Variants in VPS13B observed in about 807,000 individuals in gnomAD.
The protein encoded by VPS13B is intermembrane lipid transfer protein VPS13B.
In VPS13B, 285 loss-of-function variants were observed where a neutral mutation model predicts 426.4. The ratio of observed to expected loss-of-function variants is 0.67; its 90% CI spans 0.61 to 0.74. The LOEUF is 0.74. VPS13B is among the 30% of genes least tolerant of loss of function. The pLI, the probability that VPS13B is intolerant of heterozygous loss-of-function variation, is 0.00. For synonymous variants in VPS13B, 1,676 were observed against 1,676.4 expected (o/e 1.00, Z 0.01); for missense variants, 4,537 against 4,782.6 (o/e 0.95, Z 1.51).
chr8:99,712,073 G>C (rs2130279064), intron 36 of VPS13B, among the ~76,000 whole-genome samples: 1 of 152,320 alleles, frequency 6.6e-6, no homozygotes, highest in East Asian at 1.9e-4. Flanking sequence ...ATAGAAAACT[G>C]AAGATTACTT....
At chr8:99,703,990 T>C (rs1832396203) in intron 36 of VPS13B, among the ~76,000 whole-genome samples, 1 of 151,920 alleles carries the variant, frequency 6.6e-6, no homozygotes, top group Non-Finnish European at 1.5e-5. Flanking sequence ...CCACAAAAGA[T>C]TGGGGGAAGA....
chr8:99,463,300 A>G (rs1383835301), intron 23 of VPS13B, among the ~76,000 whole-genome samples: 2 of 152,242 alleles, frequency 1.3e-5, no homozygotes, highest in Admixed American at 6.5e-5. Flanking sequence ...GAATAATGAA[A>G]TGTTGACAAA....
intron 17 of VPS13B, among the ~76,000 whole-genome samples, chr8:99,201,725 T>C (rs1334234847): frequency 6.6e-6 from 1 of 152,208 alleles, no homozygotes; most frequent in African/African-American, 2.4e-5. Context: ...AGGGATTTGA[T>C]TTTGTGCATT....
At chr8:99,739,675 G>A (rs571992200) in intron 39 of VPS13B, among the ~76,000 whole-genome samples, 14 of 152,284 alleles carry the variant, frequency 9.2e-5, no homozygotes, top group East Asian at 7.7e-4. Flanking sequence ...AATATCCACC[G>A]TTCTGCAGCC....
In VPS13B at chr8:99,392,064, A is replaced by C. The variant is rs7834885; in HGVS notation, c.3082+360A>C. 2.0e-5 allele frequency among the ~76,000 whole-genome samples: 3 copies of C among 152,226 alleles called. No homozygotes were observed. In the East Asian group the frequency reaches 5.8e-4, roughly 29 times the overall value. ...TGCACAGAAGCAGGATCGTATTTCT[A>C]TCTTCTGAGACTGTTCGCTATGCAA... On this transcript the variant is annotated intron_variant, in intron 21 of 61. Coordinates refer to ENST00000357162, the MANE Select transcript of VPS13B (RefSeq NM_152564.5).
At chr8:99,353,262 G>A (rs1811995549) in intron 19 of VPS13B, among the ~76,000 whole-genome samples, 1 of 152,168 alleles carries the variant, frequency 6.6e-6, no homozygotes, top group African/African-American at 2.4e-5. Flanking sequence ...GGGATTACCA[G>A]TGTGAGCCAC....
intron 55 of VPS13B, among the ~76,000 whole-genome samples, chr8:99,851,038 G>T (rs1321765017): frequency 6.6e-6 from 1 of 152,224 alleles, no homozygotes; most frequent in African/African-American, 2.4e-5. Flanking sequence ...TTCAAACAAT[G>T]TTGGATAGAA....
chr8:99,565,456 A>G lies in VPS13B; in HGVS notation c.4949+8803A>G, dbSNP rs116141785. Among the ~76,000 whole-genome samples the G allele has an allele frequency of 7.6e-3, 1,150 of 152,180 alleles. 14 individuals are homozygous for G. The highest frequency in any genetic ancestry group is 0.025 in the African/African-American group (1,055 of 41,504). ...TTTGAATCTGACATGACATATTCCT[A>G]AAGTTCATCAGTCTTATACTTCTCA... is the stretch of plus-strand genomic sequence containing the variant. On this transcript the variant is annotated intron_variant, in intron 31 of 61. Coordinates refer to ENST00000357162, the MANE Select transcript of VPS13B (RefSeq NM_152564.5).
chr8:99,097,180 C>G (rs1365219298), intron 4 of VPS13B, among the ~76,000 whole-genome samples: 2 of 152,170 alleles, frequency 1.3e-5, no homozygotes, highest in Non-Finnish European at 2.9e-5. Context: ...TAGCTAGCTT[C>G]TCTGCCATAC....
chr8:99,189,108 C>G (rs1284873968), intron 16 of VPS13B, among the ~76,000 whole-genome samples: 1 of 151,930 alleles, frequency 6.6e-6, no homozygotes, highest in Non-Finnish European at 1.5e-5. Context: ...ATCATGTTAG[C>G]CCGGCTAATT....
intron 11 of VPS13B, 145 bp downstream of exon 11, chr8:99,135,878 GTATACA>G: frequency 8.8e-7 from 1 of 1,140,210 alleles, no homozygotes; most frequent in Admixed American, 2.3e-5. Context: ...CATTTATACA[GTATACA>G]TGTAGAAATG....
chr8:99,361,562 G>T (rs1010566627), intron 19 of VPS13B, among the ~76,000 whole-genome samples: 28 of 152,096 alleles, frequency 1.8e-4, no homozygotes, highest in African/African-American at 6.8e-4. Flanking sequence ...CCCCACTCTT[G>T]CCTATTATTT....
rs1367192547 is a variant in VPS13B, at chr8:99,122,950, TA to T, written c.1206+1518del. The stretch of plus-strand genomic sequence containing the variant: ...CAATATGGAGAAACCCCATCTCTAC[TA>T]AAAAAAAAAAAATTACCCAATTAGC... On this transcript the variant is annotated intron_variant, in intron 8 of 61. Coordinates refer to ENST00000357162, the MANE Select transcript of VPS13B (RefSeq NM_152564.5). Among the ~76,000 whole-genome samples, 712 of 141,968 alleles carry T rather than the reference TA, an allele frequency of 5.0e-3. 2 individuals carry two copies. The highest frequency in any genetic ancestry group is 0.011 in the Middle Eastern group (3 of 278). The allele number at this position is 141,968 out of a possible 152,430, so 93.1% of individuals were successfully genotyped here.
chr8:99,506,890 A>G (rs144553275), intron 27 of VPS13B, among the ~76,000 whole-genome samples: 1 of 152,222 alleles, frequency 6.6e-6, no homozygotes, highest in Non-Finnish European at 1.5e-5. Flanking sequence ...TGTTACTCTT[A>G]TCGAGGAGAT....
At chr8:99,020,268 C>G (rs1221042369) in intron 2 of VPS13B, among the ~76,000 whole-genome samples, 1 of 151,898 alleles carries the variant, frequency 6.6e-6, no homozygotes, top group Non-Finnish European at 1.5e-5. Flanking sequence ...TACTTATTAG[C>G]TATGTTTGTC....
At chr8:99,746,340 T>G (rs946235906) in intron 39 of VPS13B, among the ~76,000 whole-genome samples, 113 of 152,244 alleles carry the variant, frequency 7.4e-4, no homozygotes, top group African/African-American at 2.6e-3. Context: ...CAGGTAGTAT[T>G]AGTCTGGCCC....
intron 34 of VPS13B, among the ~76,000 whole-genome samples, chr8:99,659,609 G>A (rs969599080): frequency 2.6e-5 from 4 of 152,172 alleles, no homozygotes; most frequent in Admixed American, 2.0e-4. Context: ...GATTAAATAT[G>A]CCACAAGGAT....
intron 19 of VPS13B, among the ~76,000 whole-genome samples, chr8:99,312,071 C>T (rs1821016234): frequency 6.6e-6 from 1 of 152,158 alleles, no homozygotes; most frequent in South Asian, 2.1e-4. Flanking sequence ...TGGGTCTCTG[C>T]ATGTGAGATG....
chr8:99,560,025 C>T (rs1376331752), intron 31 of VPS13B, among the ~76,000 whole-genome samples: 1 of 152,134 alleles, frequency 6.6e-6, no homozygotes, highest in Non-Finnish European at 1.5e-5. Flanking sequence ...GATATTGATT[C>T]TTCCTATCTG....
Sources: gnomAD v4.1 joint callset for allele counts (sites outside exome capture counted in the v4.1 genomes callset) on GRCh38, gnomAD v4.1.1 for gene constraint, MANE v1.5 for transcripts, NCBI Gene and HGNC (gene_info 2026-07-23, HGNC 2026-07-21) for gene names.